SCUBE2: variants seen among roughly 807,000 people sequenced by gnomAD.
The protein encoded by SCUBE2 is signal peptide, CUB domain and EGF like domain containing 2.
SCUBE2 carries 114 observed loss-of-function variants against 125.9 expected under a neutral mutation model. That is an observed-to-expected ratio of 0.91 (90% CI 0.78 to 1.06). SCUBE2 has a LOEUF of 1.06. Ranked by LOEUF, SCUBE2 falls within the 50% of genes least tolerant of loss-of-function variation. The pLI is 0.00. For missense variants in SCUBE2, 1,255 were observed against 1,301.8 expected (o/e 0.96, Z 0.55); for synonymous variants, 459 against 492.9 (o/e 0.93, Z 0.91).
At chr11:9,090,052 T>C (rs1354116296) in intron 1 of SCUBE2, among the ~76,000 whole-genome samples, 1 of 152,084 alleles carries the variant, frequency 6.6e-6, no homozygotes, top group African/African-American at 2.4e-5. Context: ...CTACTGGCCT[T>C]CAGGACTTAG....
At position 9,019,771 on chromosome 11, in the gene SCUBE2, A is replaced by C. The variant is rs1173583300; in HGVS notation, c.*1274T>G. On this transcript the variant is annotated 3_prime_UTR_variant, in exon 23 of 23. Coordinates refer to ENST00000649792, the MANE Select transcript of SCUBE2 (RefSeq NM_001367977.2). ...TGTGCATAGAATTGTTATTGAAATAACAAAACACTATAGTTGTAGGTAGTC... is the reference window on the plus strand; with the variant it reads ...TGTGCATAGAATTGTTATTGAAATACCAAAACACTATAGTTGTAGGTAGTC... Among the ~76,000 whole-genome samples, 1 of 152,160 alleles carries C rather than the reference A, an allele frequency of 6.6e-6. No individual in the cohort carries two copies.
At chr11:9,086,247 G>A (rs1232962555) in intron 2 of SCUBE2, among the ~76,000 whole-genome samples, 4 of 152,124 alleles carry the variant, frequency 2.6e-5, no homozygotes, top group Non-Finnish European at 5.9e-5. Context: ...CACTTATTCA[G>A]GGCTCACACA....
At chr11:9,032,603 C>T (rs773699255) in intron 17 of SCUBE2, among the ~76,000 whole-genome samples, 10 of 152,084 alleles carry the variant, frequency 6.6e-5, no homozygotes, top group Non-Finnish European at 8.8e-5. Context: ...CATGGTGGCA[C>T]GCACCTGTAA....
At chr11:9,051,465 G>A (rs1368721238) in intron 13 of SCUBE2, among the ~76,000 whole-genome samples, 3 of 152,176 alleles carry the variant, frequency 2.0e-5, no homozygotes, top group East Asian at 3.9e-4. Flanking sequence ...TGTTGTTCCA[G>A]ACACAGATGG....
chr11:9,069,337 TC>T, intron 5 of SCUBE2, 32 bp downstream of exon 5: 1 of 1,612,610 alleles, frequency 6.2e-7, no homozygotes, highest in Non-Finnish European at 8.5e-7. Flanking sequence ...ATACGACGGT[TC>T]CCATGGCAGG....
chr11:9,025,920 C>T, intron 20 of SCUBE2, 66 bp from the exon 21 acceptor site: 1 of 1,491,980 alleles, frequency 6.7e-7, no homozygotes, highest in Admixed American at 1.9e-5. Flanking sequence ...AGAGTAGATG[C>T]TCATCTTTCT....
Position 9,073,541 on chromosome 11 carries a change from T to A in SCUBE2, c.517+940A>T, listed in dbSNP as rs569858263. Among the ~76,000 whole-genome samples the A allele has an allele frequency of 2.0e-5, 3 of 152,258 alleles. No individual in the cohort carries two copies. The South Asian group carries it at 6.2e-4, about 32-fold the overall frequency. On this transcript the variant is annotated intron_variant, in intron 4 of 22. Coordinates refer to ENST00000649792, the MANE Select transcript of SCUBE2 (RefSeq NM_001367977.2). The stretch of plus-strand genomic sequence containing the variant: ...CCTTGAAAAGTTACCAAGACCAGGA[T>A]TAAAACAATCTATAAATTTGTGATT...
intron 10 of SCUBE2, 42 bp from the exon 11 acceptor site, chr11:9,053,801 G>C: frequency 6.3e-7 from 1 of 1,597,918 alleles, no homozygotes; most frequent in Non-Finnish European, 8.6e-7. Context: ...GCCTGTCACT[G>C]AATGGGCTGA....
intron 3 of SCUBE2, among the ~76,000 whole-genome samples, chr11:9,078,991 T>C (rs538376401): frequency 1.3e-5 from 2 of 152,326 alleles, no homozygotes; most frequent in East Asian, 3.9e-4. Flanking sequence ...TAGCTGGCTG[T>C]AACCCCAGCA....
intron 21 of SCUBE2, among the ~76,000 whole-genome samples, chr11:9,023,183 G>A (rs529007581): frequency 1.3e-5 from 2 of 152,098 alleles, no homozygotes; most frequent in Non-Finnish European, 2.9e-5. Context: ...ATGCCTCTTT[G>A]TATGCATATC....
intron 2 of SCUBE2, among the ~76,000 whole-genome samples, chr11:9,086,971 T>C (rs547189296): frequency 7.1e-4 from 108 of 152,234 alleles, no homozygotes; most frequent in Admixed American, 1.2e-3. Flanking sequence ...ACAAAGGATG[T>C]ATGCTCACTG....
chr11:9,027,430 C>T lies in SCUBE2; in HGVS notation c.2635G>A (p.Val879Met), dbSNP rs376178399. 1.4e-5 allele frequency: 23 copies of T among 1,613,896 alleles called. No homozygotes were observed. In the African/African-American group the frequency reaches 1.5e-4, roughly 10 times the overall value. Residue 879 changes from valine to methionine, a missense_variant, in exon 20 of 23, where the codon GTG becomes ATG. Coordinates refer to ENST00000649792, the MANE Select transcript of SCUBE2 (RefSeq NM_001367977.2). The part of the protein sequence containing the change: ...NPPPKRRILI[V>M]VPEIFLPIED... ...ATGGGCAGGAAGATCTCAGGGACCA[C>T]GATCAGGATGCGGCGCTTGGGGGGT...
intron 7 of SCUBE2, chr11:9,065,194 C>T (rs1000281364): frequency 1.3e-5 from 2 of 152,104 alleles, no homozygotes; most frequent in Non-Finnish European, 2.9e-5. Flanking sequence ...ACTGATATGG[C>T]CAGGCTTTAT....
Position 9,029,910 on chromosome 11 carries a change from C to A in SCUBE2, c.2477G>T (p.Gly826Val), listed in dbSNP as rs756448080. 4.3e-6 allele frequency: 7 copies of A among 1,614,112 alleles called. No homozygotes were observed. The South Asian group carries it at 6.6e-5, about 15-fold the overall frequency. ...TTTACACTGGGTTATGTTTGTGGAG[C>A]CATCAAAGTCAGTCGTAGTATTTCC... is the stretch of plus-strand genomic sequence containing the variant. ...CPGNTTTDFDGSTNITQCKNR... is the reference protein window; with the variant it reads ...CPGNTTTDFDVSTNITQCKNR... Residue 826 changes from glycine to valine, a missense_variant, in exon 19 of 23, where the codon GGC (glycine) becomes GTC (valine). By Grantham distance (109) the Gly-to-Val change is moderately radical. This residue lies in a region of SCUBE2 where 515 missense variants were observed against 515.7 expected (regional missense o/e 1.00). Coordinates refer to ENST00000649792, the MANE Select transcript of SCUBE2 (RefSeq NM_001367977.2).
chr11:9,032,545 C>T (rs1173321817), intron 17 of SCUBE2, among the ~76,000 whole-genome samples: 3 of 152,136 alleles, frequency 2.0e-5, no homozygotes, highest in Non-Finnish European at 2.9e-5. Context: ...ACCAGCCTGG[C>T]CAACATAGCG....
chr11:9,082,115 T>G (rs1392553761), intron 2 of SCUBE2, among the ~76,000 whole-genome samples: 4 of 152,264 alleles, frequency 2.6e-5, no homozygotes, highest in Admixed American at 1.3e-4. Flanking sequence ...CATGGGCTTA[T>G]TGTCCATTTG....
chr11:9,030,012 G>A lies in SCUBE2; in HGVS notation c.2375C>T (p.Thr792Ile). ...QCSPGHFYNT[T>I]THRCIRCPVG... The stretch of plus-strand genomic sequence containing the variant: ...TGGGCAACGAATACATCGGTGAGTG[G>A]TGGTGTTGTAGAAATGTCCAGGTGA... Residue 792 changes from threonine (T) to isoleucine (I), a missense_variant, in exon 19 of 23, where the codon ACC (threonine) becomes ATC (isoleucine). Transcript: ENST00000649792. 1 of 1,614,210 alleles carries A rather than the reference G, an allele frequency of 6.2e-7. No individual in the cohort carries two copies. The highest frequency in any genetic ancestry group is 8.5e-7 in the Non-Finnish European group (1 of 1,180,038).
At chr11:9,067,565 T>G (rs1352411985) in intron 5 of SCUBE2, among the ~76,000 whole-genome samples, 1 of 152,212 alleles carries the variant, frequency 6.6e-6, no homozygotes, top group Non-Finnish European at 1.5e-5. Context: ...TGTCCTGTGA[T>G]TATAGCTGTG....
rs1857953854 is a variant in SCUBE2, at chr11:9,047,830, A to G, written c.1795+113T>C. The G allele has an allele frequency of 3.1e-6, 4 of 1,275,364 alleles. No individual in the cohort carries two copies. The Admixed American group carries it at 6.9e-5, about 22-fold the overall frequency. The allele number at this position is 1,275,364 out of a possible 1,614,324, so 79.0% of individuals were successfully genotyped here. A position where few individuals can be genotyped will look rare whatever the true frequency, so the allele number is the denominator to read the frequency against. On this transcript the variant is annotated intron_variant, in intron 15 of 22. Coordinates refer to ENST00000649792, the MANE Select transcript of SCUBE2 (RefSeq NM_001367977.2). ...TAGTTTCGGGGTGAAAAAAAACAGG[A>G]GATACTTCAGTGTTTGCATTACTTT...
Sources: gnomAD v4.1 joint callset for allele counts (sites outside exome capture counted in the v4.1 genomes callset) on GRCh38, gnomAD v4.1.1 for gene constraint, gnomAD v4.1.1 regional missense constraint, MANE v1.5 for transcripts, NCBI Gene and HGNC (gene_info 2026-07-23, HGNC 2026-07-21) for gene names.